The following KANK1 variants were observed in gnomAD, a reference collection of about 807,000 sequenced individuals.
KANK1 encodes the protein KN motif and ankyrin repeat domains 1.
In KANK1, 109 loss-of-function variants were observed where a neutral mutation model predicts 106.2. The ratio of observed to expected loss-of-function variants is 1.03; its 90% CI spans 0.88 to 1.20. The LOEUF is 1.20. KANK1 is among the 50% of genes most tolerant of loss of function. The pLI is 0.00. For synonymous variants in KANK1, 873 were observed against 652.2 expected (o/e 1.34, Z -5.16); for missense variants, 2,399 against 1,710.7 (o/e 1.40, Z -7.10).
At chr9:503,723 G>A (rs2058612202), upstream of KANK1, among the ~76,000 whole-genome samples, 1 of 152,158 alleles carries the variant, frequency 6.6e-6, no homozygotes, top group Non-Finnish European at 1.5e-5. Context: ...CGTCCCTTCA[G>A]TTCCCAAGCT....
At chr9:687,960 T>G (rs1186697126) in intron 2 of KANK1, among the ~76,000 whole-genome samples, 1 of 152,164 alleles carries the variant, frequency 6.6e-6, no homozygotes, top group Non-Finnish European at 1.5e-5. Context: ...AGTCAACAGA[T>G]TCAATGTTCA....
At chr9:707,051 T>G in intron 2 of KANK1, 5 of 985,366 alleles carry the variant, frequency 5.1e-6, no homozygotes, top group Non-Finnish European at 6.0e-6. Context: ...GGGGGTGGTG[T>G]CACTGCAGCC....
chr9:679,934 A>C (rs1817196105), intron 2 of KANK1, among the ~76,000 whole-genome samples: 1 of 152,182 alleles, frequency 6.6e-6, no homozygotes, highest in African/African-American at 2.4e-5. Flanking sequence ...AAAAATACTC[A>C]ATGTAAGAGA....
intron 1 of KANK1, among the ~76,000 whole-genome samples, chr9:524,447 G>A (rs181056853): frequency 1.3e-3 from 202 of 151,650 alleles, no homozygotes; most frequent in Non-Finnish European, 2.1e-3. Context: ...CTTAGCTTAC[G>A]GCTGGTTTTA....
At position 740,935 on chromosome 9, in the gene KANK1, G is replaced by C; in HGVS notation, c.3696+1G>C. 6.2e-7 allele frequency: 1 copy of C among 1,614,106 alleles called. No homozygotes were observed. Among genetic ancestry groups the C allele is most frequent in the Non-Finnish European group, 8.5e-7 (1 of 1,180,002 alleles). ...GGATGTGAATGCCAAAGCTAGTCAGGTTAGTGCGCCTGGTTCCTGTGCTCA... is the reference window on the plus strand; with the variant it reads ...GGATGTGAATGCCAAAGCTAGTCAGCTTAGTGCGCCTGGTTCCTGTGCTCA... On this transcript the variant is annotated splice_donor_variant, in intron 9 of 11. Transcript: ENST00000382297. LOFTEE classifies it high-confidence loss of function.
chr9:470,314 C>T (rs368485349), exon 1 of KANK1: 1 of 151,892 alleles, frequency 6.6e-6, no homozygotes, highest in African/African-American at 2.4e-5. Context: ...TCGGGGCGTC[C>T]GAAGCGGGCG....
chr9:680,148 C>A (rs1817249785), intron 2 of KANK1, among the ~76,000 whole-genome samples: 1 of 152,056 alleles, frequency 6.6e-6, no homozygotes, highest in Admixed American at 6.5e-5. Context: ...GCTGCTTGGG[C>A]TTCATAGAGC....
intron 2 of KANK1, among the ~76,000 whole-genome samples, chr9:704,926 G>C (rs1189057141): frequency 7.3e-6 from 1 of 136,504 alleles, no homozygotes; most frequent in Non-Finnish European, 1.5e-5. Flanking sequence ...CCAGGAGATA[G>C]AGACTATAGT....
chr9:529,734 C>T (rs891629548), intron 1 of KANK1, among the ~76,000 whole-genome samples: 5 of 152,170 alleles, frequency 3.3e-5, no homozygotes, highest in African/African-American at 1.2e-4. Context: ...CTACATCCAA[C>T]AATGCTGCAA....
At chr9:669,386 G>C (rs10975679) in intron 1 of KANK1, among the ~76,000 whole-genome samples, 37,001 of 152,010 alleles carry the variant, frequency 0.24, 5,757 homozygotes, top group South Asian at 0.45. Flanking sequence ...AACATTTCTT[G>C]TAAGACAGAT....
At chr9:490,440 T>G (rs1361922351) in intron 3 of KANK1, among the ~76,000 whole-genome samples, 1 of 152,116 alleles carries the variant, frequency 6.6e-6, no homozygotes, top group Admixed American at 6.6e-5. Context: ...GCCCAGGAGG[T>G]TGAAGCTGCA....
chr9:542,291 G>A (rs190185855), intron 1 of KANK1, among the ~76,000 whole-genome samples: 35 of 152,370 alleles, frequency 2.3e-4, no homozygotes, highest in Admixed American at 2.2e-3. Context: ...CTTGAGGTCA[G>A]GAGTTCAAGA....
intron 3 of KANK1, among the ~76,000 whole-genome samples, chr9:475,006 G>A (rs1237401230): frequency 1.3e-5 from 2 of 152,124 alleles, no homozygotes; most frequent in African/African-American, 4.8e-5. Context: ...TCAGGTGATG[G>A]TCACATGGTT....
intron 1 of KANK1, among the ~76,000 whole-genome samples, chr9:658,547 G>A (rs57284368): frequency 0.21 from 32,234 of 151,692 alleles, 4,153 homozygotes; most frequent in African/African-American, 0.34. Context: ...TTGGTATTAT[G>A]TCTAGACCTC....
intron 1 of KANK1, among the ~76,000 whole-genome samples, chr9:580,543 A>G (rs1452038903): frequency 2.0e-5 from 3 of 152,208 alleles, no homozygotes; most frequent in Non-Finnish European, 2.9e-5. Flanking sequence ...GCTAGACGCA[A>G]AAGTTCTCCA....
chr9:705,882 T>G (rs1161061746), intron 2 of KANK1, among the ~76,000 whole-genome samples: 2 of 152,144 alleles, frequency 1.3e-5, no homozygotes, highest in African/African-American at 4.8e-5. Flanking sequence ...ATTACAGGCA[T>G]GAGCCAGCGT....
chr9:704,124 T>G (rs968849714), intron 2 of KANK1, among the ~76,000 whole-genome samples: 32 of 152,252 alleles, frequency 2.1e-4, no homozygotes, highest in African/African-American at 7.0e-4. Context: ...AGATCTAGTC[T>G]TAATTTTTGA....
At chr9:690,829 T>C (rs1247186519) in intron 2 of KANK1, among the ~76,000 whole-genome samples, 1 of 152,176 alleles carries the variant, frequency 6.6e-6, no homozygotes, top group Non-Finnish European at 1.5e-5. Context: ...AAGACTGTGC[T>C]GGTATACGCT....
intron 7 of KANK1, among the ~76,000 whole-genome samples, chr9:735,398 G>C (rs1833508130): frequency 6.6e-6 from 1 of 152,208 alleles, no homozygotes; most frequent in Non-Finnish European, 1.5e-5. Context: ...TTGCCTTAGT[G>C]ATCATGAATG....
Sources: gnomAD v4.1 joint callset for allele counts (sites outside exome capture counted in the v4.1 genomes callset) on GRCh38, gnomAD v4.1.1 for gene constraint, MANE v1.5 for transcripts, NCBI Gene and HGNC (gene_info 2026-07-23, HGNC 2026-07-21) for gene names.